The following GPT variants were observed in gnomAD, a reference collection of about 807,000 sequenced individuals.
The protein encoded by GPT is glutamic--pyruvic transaminase.
A neutral mutation model predicts 51.4 loss-of-function variants in GPT; 60 were observed. The ratio of observed to expected loss-of-function variants is 1.17; its 90% CI spans 0.95 to 1.45. GPT has a LOEUF of 1.45. GPT is among the 40% of genes most tolerant of loss of function. GPT has a pLI of 0.00. For missense variants in GPT, 853 were observed against 704.0 expected (o/e 1.21, Z -2.40); for synonymous variants, 397 against 303.1 (o/e 1.31, Z -3.22).
Position 144,506,451 on chromosome 8 carries a change from G to A in GPT, c.1131+45G>A, listed in dbSNP as rs2130623909. 1.3e-6 allele frequency: 2 copies of A among 1,570,966 alleles called. No homozygotes were observed. The highest frequency in any genetic ancestry group is 2.3e-5 in the East Asian group (1 of 43,036). On this transcript the variant is annotated intron_variant, in intron 8 of 10. Transcript: ENST00000394955. This position sits in a 1 kb window ranked among gnomAD's most constrained non-coding sequence, Gnocchi z 7.0. ...GGGTCCAGGTGACCTAATCAGGGGT[G>A]GGGGATGCCGAGTGCCGTGCCCTGA...
chr8:144,505,713 C>T (rs899747564), intron 5 of GPT, 135 bp from the exon 6 acceptor site: 12 of 597,388 alleles, frequency 2.0e-5, no homozygotes, highest in Non-Finnish European at 2.5e-5. Context: ...CGTTCCCCGC[C>T]GCCCCGCCCC....
chr8:144,506,303 T>C lies in GPT; in HGVS notation c.1028T>C (p.Leu343Pro), dbSNP rs760247280. Residue 343 changes from leucine (L) to proline (P), a missense_variant, in exon 8 of 11, where the codon CTG becomes CCG. Transcript: ENST00000394955. This position sits in a 1 kb window ranked among gnomAD's most constrained non-coding sequence, Gnocchi z 7.0. Reference sequence around the variant, plus strand: ...GCAGTGCAGCAGCAGATGCTGAAGCTGATGAGTGTGCGGCTGTGCCCGCCG... The same window carrying C: ...GCAGTGCAGCAGCAGATGCTGAAGCCGATGAGTGTGCGGCTGTGCCCGCCG... ...DAAVQQQMLK[L>P]MSVRLCPPVP... 1.9e-6 allele frequency: 3 copies of C among 1,587,356 alleles called. No individual in the cohort carries two copies. In the South Asian group the frequency reaches 3.4e-5, roughly 18 times the overall value.
Position 144,505,017 on chromosome 8 carries a change from C to T in GPT, c.381C>T (p.Ser127=), listed in dbSNP as rs144588980. The T allele has an allele frequency of 4.5e-5, 73 of 1,613,090 alleles. No homozygotes were observed. The highest frequency in any genetic ancestry group is 1.8e-4 in the Admixed American group (11 of 60,020). Residue 127 remains serine (S), a synonymous_variant, in exon 4 of 11, where the codon TCC becomes TCT. Coordinates refer to ENST00000394955, the MANE Select transcript of GPT (RefSeq NM_005309.3). The stretch of plus-strand genomic sequence containing the variant: ...GTCCAGGGGCCTACAGCGTCAGCTC[C>T]GGCATCCAGCTGATCCGGGAGGACG... ...GHSLGAYSVS[S]GIQLIREDVA... is the part of the protein sequence containing the mutation.
In GPT at chr8:144,506,056, T is replaced by C; in HGVS notation, c.881T>C (p.Met294Thr). The C allele has an allele frequency of 6.2e-7, 1 of 1,612,346 alleles. No homozygotes were observed. Among genetic ancestry groups the C allele is most frequent in the Non-Finnish European group, 8.5e-7 (1 of 1,179,686 alleles). ...TTCCACTCATTCAAGAAGGTGCTCA[T>C]GGAGATGGGGCCGCCCTACGCCGGG... ...SQFHSFKKVLMEMGPPYAGQQ... is the reference protein window; with the variant it reads ...SQFHSFKKVLTEMGPPYAGQQ... The change falls in exon 7 of 11, where the codon ATG becomes ACG. Residue 294 changes from methionine to threonine, a missense_variant. Transcript: ENST00000394955. The surrounding 1 kb of genome is among the most constrained non-coding windows in gnomAD (Gnocchi z 7.0).
In GPT at chr8:144,504,313, G is replaced by A. The variant is rs549195237; in HGVS notation, c.9G>A (p.Ser3=). ...CTGGTCTGGGTAGAGTCATGGCCTC[G>A]AGCACAGGTGACCGGAGCCAGGCGG... MA[S]STGDRSQAVR... Residue 3 remains serine, a synonymous_variant, in exon 1 of 11, where the codon TCG becomes TCA. Transcript: ENST00000394955. 3.1e-5 allele frequency: 50 copies of A among 1,608,990 alleles called. No individual in the cohort carries two copies. Among genetic ancestry groups the A allele is most frequent in the Non-Finnish European group, 4.1e-5 (48 of 1,179,836 alleles).
Position 144,506,570 on chromosome 8 carries a change from C to G in GPT, c.1201C>G (p.Pro401Ala). ...KLTEQVFNEA[P>A]GISCNPVQGA... ...CACCGAGCAGGTCTTCAATGAGGCT[C>G]CTGGCATCAGCTGCAACCCAGTGCA... The change falls in exon 9 of 11, where the codon CCT (proline) becomes GCT (alanine). Residue 401 changes from proline (P) to alanine (A), a missense_variant. By Grantham distance (27) the Pro-to-Ala change is conservative (BLOSUM62 -1). Transcript: ENST00000394955. This position sits in a 1 kb window ranked among gnomAD's most constrained non-coding sequence, Gnocchi z 7.0. 1.9e-6 allele frequency: 3 copies of G among 1,582,138 alleles called. No homozygotes were observed. The highest frequency in any genetic ancestry group is 2.6e-6 in the Non-Finnish European group (3 of 1,165,016).
rs770110037 is a variant in GPT, at chr8:144,504,292, T to A, written c.-13T>A. ...CCTCCTGAGCTGCCTTCCCGCCTGGTCTGGGTAGAGTCATGGCCTCGAGCA... is the reference window on the plus strand; with the variant it reads ...CCTCCTGAGCTGCCTTCCCGCCTGGACTGGGTAGAGTCATGGCCTCGAGCA... On this transcript the variant is annotated 5_prime_UTR_variant, in exon 1 of 11. Transcript: ENST00000394955. The A allele has an allele frequency of 1.2e-6, 2 of 1,606,506 alleles. No homozygotes were observed. Among genetic ancestry groups the A allele is most frequent in the Admixed American group, 3.3e-5 (2 of 59,970 alleles).
At chr8:144,505,556 A>G (rs1184295980) in intron 5 of GPT, 67 bp downstream of exon 5, 35 of 981,890 alleles carry the variant, frequency 3.6e-5, no homozygotes, top group Non-Finnish European at 3.9e-5. Flanking sequence ...GCCCCGCCCC[A>G]CTCCCCCCGC....
At chr8:144,505,693 G>A (rs1432120570) in intron 5 of GPT, among the ~76,000 whole-genome samples, 155 bp from the exon 6 acceptor site, 1 of 102,492 alleles carries the variant, frequency 9.8e-6, no homozygotes, top group South Asian at 3.4e-4. Context: ...CTCCCTCCGC[G>A]CCCACGGTGC....
chr8:144,506,089 A>G lies in GPT; in HGVS notation c.914A>G (p.Glu305Gly). The G allele has an allele frequency of 1.2e-6, 2 of 1,612,280 alleles. No homozygotes were observed. The highest frequency in any genetic ancestry group is 1.7e-6 in the Non-Finnish European group (2 of 1,179,658). Residue 305 changes from glutamate to glycine, a missense_variant, in exon 7 of 11, where the codon GAG (glutamate) becomes GGG (glycine). Glu to Gly is a moderately conservative substitution (Grantham distance 98). Transcript: ENST00000394955. The surrounding 1 kb of genome is among the most constrained non-coding windows in gnomAD (Gnocchi z 7.0). Reference sequence around the variant, plus strand: ...GGGCCGCCCTACGCCGGGCAGCAGGAGCTTGCCTCCTTCCACTCCACCTCC... The same window carrying G: ...GGGCCGCCCTACGCCGGGCAGCAGGGGCTTGCCTCCTTCCACTCCACCTCC... ...EMGPPYAGQQ[E>G]LASFHSTSKG... is the part of the protein sequence containing the mutation.
In GPT at chr8:144,506,245, G is replaced by T; in HGVS notation, c.970G>T (p.Gly324Cys). 2 of 1,606,970 alleles carry T rather than the reference G, an allele frequency of 1.2e-6. No individual in the cohort carries two copies. The highest frequency in any genetic ancestry group is 1.3e-5 in the African/African-American group (1 of 75,024). ...GGCCGTGCGCAGGTGCGGGTTCCGC[G>T]GCGGCTATGTGGAGGTGGTGAACAT... ...KGYMGECGFR[G>C]GYVEVVNMDA... Residue 324 changes from glycine (G) to cysteine (C), a missense_variant, in exon 8 of 11, where the codon GGC becomes TGC. Transcript: ENST00000394955. The surrounding 1 kb of genome is among the most constrained non-coding windows in gnomAD (Gnocchi z 7.0).
At position 144,505,909 on chromosome 8, in the gene GPT, C is replaced by G. The variant is rs559267252; in HGVS notation, c.801C>G (p.Leu267=). The change falls in exon 6 of 11, where the codon CTC becomes CTG. Residue 267 remains leucine, a synonymous_variant. Coordinates refer to ENST00000394955, the MANE Select transcript of GPT (RefSeq NM_005309.3). The stretch of plus-strand genomic sequence containing the variant: ...TCCGCTTCGCCTTCGAAGAGCGGCT[C>G]TTTCTGCTGGCGGACGAGGTGCGCG... ...AVIRFAFEER[L]FLLADEVYQD... is the part of the protein sequence containing the mutation. The G allele has an allele frequency of 1.9e-6, 3 of 1,604,860 alleles. No homozygotes were observed. The highest frequency in any genetic ancestry group is 1.3e-5 in the African/African-American group (1 of 74,850).
Position 144,504,154 on chromosome 8 carries a change from C to T in GPT, c.-151C>T, listed in dbSNP as rs778060418. 7.8e-4 allele frequency: 620 copies of T among 791,542 alleles called. No individual in the cohort carries two copies. Among genetic ancestry groups the T allele is most frequent in the Non-Finnish European group, 1.1e-3 (544 of 478,320 alleles). 49.0% of individuals were successfully genotyped at this position (791,542 alleles called of 1,614,324 possible). On this transcript the variant is annotated 5_prime_UTR_variant, in exon 1 of 11. Coordinates refer to ENST00000394955, the MANE Select transcript of GPT (RefSeq NM_005309.3). ...CTGTCCCTCCCAGTGAGGCCAGCTG[C>T]GGTGAAGAGGGTGCTCTCTTGCCTG...
upstream of GPT, chr8:144,504,059 C>CTCCCTGGGGCAGAGCTGT: frequency 1.7e-6 from 1 of 571,554 alleles, no homozygotes; most frequent in East Asian, 3.0e-5. Flanking sequence ...CTGCCTCTGC[C>CTCCCTGGGGCAGAGCTGT]TCCCTGGGGC....
At chr8:144,503,932 A>T, upstream of GPT, 1 of 328,484 alleles carries the variant, frequency 3.0e-6, no homozygotes, top group Non-Finnish European at 5.9e-6. Flanking sequence ...CTAGTCCCTC[A>T]GAGCTGTCCG....
Position 144,506,644 on chromosome 8 carries a change from G to C in GPT, c.1275G>C (p.Val425=), listed in dbSNP as rs528169048. Residue 425 remains valine (V), a synonymous_variant, in exon 9 of 11, where the codon GTG becomes GTC. Transcript: ENST00000394955. This position sits in a 1 kb window ranked among gnomAD's most constrained non-coding sequence, Gnocchi z 7.0. ...FPRVQLPPRA[V]ERAQELGLAP... The stretch of plus-strand genomic sequence containing the variant: ...GCGTGCAGCTGCCCCCGCGGGCGGT[G>C]GAGCGCGCTCAGGTCAGGCGGGGGC... 56 of 1,558,498 alleles carry C rather than the reference G, an allele frequency of 3.6e-5. No individual in the cohort carries two copies. The South Asian group carries it at 6.1e-4, about 17-fold the overall frequency.
rs375120964 is a variant in GPT at position 144,505,056 on chromosome 8, T to C, written c.420T>C (p.Ile140=). The change falls in exon 4 of 11, where the codon ATT becomes ATC. Residue 140 remains isoleucine, a synonymous_variant. Coordinates refer to ENST00000394955, the MANE Select transcript of GPT (RefSeq NM_005309.3). The part of the protein sequence containing the change: ...QLIREDVARY[I]ERRDGGIPAD... ...TCCGGGAGGACGTGGCGCGGTACAT[T>C]GAGAGGCGTGACGGAGGCATCCCTG... 62 of 1,613,122 alleles carry C rather than the reference T, an allele frequency of 3.8e-5. No homozygotes were observed. The Middle Eastern group carries it at 1.5e-3, about 39-fold the overall frequency.
Position 144,506,356 on chromosome 8 carries a change from G to A in GPT, c.1081G>A (p.Val361Met). The change falls in exon 8 of 11, where the codon GTG (valine) becomes ATG (methionine). Residue 361 changes from valine (V) to methionine (M), a missense_variant. Coordinates refer to ENST00000394955, the MANE Select transcript of GPT (RefSeq NM_005309.3). The surrounding 1 kb of genome is among the most constrained non-coding windows in gnomAD (Gnocchi z 7.0). ...PVPGQALLDL[V>M]VSPPAPTDPS... Reference sequence around the variant, plus strand: ...GCCAGGACAGGCCCTGCTGGACCTGGTGGTCAGCCCGCCCGCGCCCACCGA... The same window carrying A: ...GCCAGGACAGGCCCTGCTGGACCTGATGGTCAGCCCGCCCGCGCCCACCGA... The A allele has an allele frequency of 5.1e-6, 8 of 1,572,574 alleles. No individual in the cohort carries two copies. The highest frequency in any genetic ancestry group is 6.9e-6 in the Non-Finnish European group (8 of 1,163,190).
chr8:144,506,705 CCT>C lies in GPT; in HGVS notation c.1288-21_1288-20del, dbSNP rs1826833078. The C allele has an allele frequency of 6.2e-7, 1 of 1,606,676 alleles. No individual in the cohort carries two copies. Among genetic ancestry groups the C allele is most frequent in the South Asian group, 1.1e-5 (1 of 90,372 alleles). ...GGGTGGGCAGGGGGGGCCGGGCATC[CCT>C]CTCTGACGGCTCTCCGTCCACAGGA... On this transcript the variant is annotated intron_variant, in intron 9 of 10. Coordinates refer to ENST00000394955, the MANE Select transcript of GPT (RefSeq NM_005309.3). This position sits in a 1 kb window ranked among gnomAD's most constrained non-coding sequence, Gnocchi z 7.0.
Sources: allele counts gnomAD v4.1 joint callset (sites outside exome capture counted in the v4.1 genomes callset), GRCh38; gene constraint gnomAD v4.1.1; non-coding constraint Gnocchi (gnomAD v3.1); transcripts MANE v1.5; gene names NCBI Gene and HGNC (gene_info 2026-07-23, HGNC 2026-07-21).